Variants in SPI1 observed in about 807,000 individuals in gnomAD.
SPI1 encodes the protein Spi-1 proto-oncogene.
In SPI1, 3 loss-of-function variants were observed where a neutral mutation model predicts 30.7. The ratio of observed to expected loss-of-function variants is 0.10; its 90% CI spans 0.04 to 0.25. SPI1 has a LOEUF of 0.25. Among genes scored for constraint, SPI1 ranks in the 10% least tolerant of loss-of-function variants. The probability of loss-of-function intolerance (pLI) is 1.00; values close to 1 mark genes in which losing one functional copy is unlikely to be tolerated. For missense variants in SPI1, 261 were observed against 371.5 expected, an observed-to-expected ratio of 0.70 and a Z score of 2.45; for synonymous variants, 169 against 157.1, an observed-to-expected ratio of 1.08 and a Z score of -0.56.
chr11:47,366,860 C>T (rs1013858727), intron 2 of SPI1, among the ~76,000 whole-genome samples: 3 of 127,252 alleles, frequency 2.4e-5, no homozygotes, highest in African/African-American at 9.5e-5. Flanking sequence ...AAGAAACAGG[C>T]TCAGAGAACA....
chr11:47,358,717 G>C, intron 4 of SPI1, 127 bp downstream of exon 4: 1 of 951,266 alleles, frequency 1.1e-6, no homozygotes, highest in Non-Finnish European at 1.6e-6. Flanking sequence ...ACACACACTG[G>C]CAAACATGCA....
rs2095905956 is a variant in SPI1 at position 47,355,085 on chromosome 11, G to C, written c.*142C>G. The C allele has an allele frequency of 2.1e-6, 1 of 482,124 alleles. No homozygotes were observed. The highest frequency in any genetic ancestry group is 2.1e-5 in the African/African-American group (1 of 48,298). 29.9% of individuals were successfully genotyped at this position (482,124 alleles called of 1,614,324 possible). A position where few individuals can be genotyped will look rare whatever the true frequency, so the allele number is the denominator to read the frequency against. ...ATGTGGAGGGGGCCTGGAGTGGGGG[G>C]AGGGGGCGGGTGAGGCGAGGCCCGG... is the stretch of plus-strand genomic sequence containing the variant. On this transcript the variant is annotated 3_prime_UTR_variant, in exon 5 of 5. Coordinates refer to ENST00000378538, the MANE Select transcript of SPI1 (RefSeq NM_003120.3).
intron 4 of SPI1, among the ~76,000 whole-genome samples, chr11:47,357,573 T>TC (rs2095913409): frequency 7.3e-6 from 1 of 136,386 alleles, no homozygotes; most frequent in Admixed American, 7.8e-5. Context: ...TCACACCCAT[T>TC]CTCTTGTTTT....
intron 2 of SPI1, among the ~76,000 whole-genome samples, chr11:47,372,958 G>A (rs930338992): frequency 2.6e-5 from 4 of 152,218 alleles, no homozygotes; most frequent in African/African-American, 9.6e-5. Flanking sequence ...CTAAGCTTCA[G>A]TACCTAAAAA....
chr11:47,371,099 G>A (rs949461381), intron 2 of SPI1, among the ~76,000 whole-genome samples: 4 of 151,878 alleles, frequency 2.6e-5, no homozygotes, highest in East Asian at 1.9e-4. Flanking sequence ...GGTGGCTCAC[G>A]CCTGTAATCC....
At chr11:47,376,707 G>T (rs372074492) in intron 1 of SPI1, among the ~76,000 whole-genome samples, 1 of 151,732 alleles carries the variant, frequency 6.6e-6, no homozygotes, top group African/African-American at 2.4e-5. Flanking sequence ...ACACAGGGCC[G>T]TGCACACCCA....
At chr11:47,362,264 A>G (rs771274516) in intron 2 of SPI1, among the ~76,000 whole-genome samples, 2 of 152,136 alleles carry the variant, frequency 1.3e-5, no homozygotes, top group African/African-American at 2.4e-5. Flanking sequence ...AATAATAATA[A>G]TAGTTTATTC....
At chr11:47,356,670 C>T (rs926075994) in intron 4 of SPI1, among the ~76,000 whole-genome samples, 4 of 151,724 alleles carry the variant, frequency 2.6e-5, no homozygotes, top group Admixed American at 6.6e-5. Context: ...ACTGCTCACC[C>T]TCACACCTTA....
chr11:47,377,511 G>T (rs1203467310), intron 1 of SPI1, among the ~76,000 whole-genome samples: 1 of 152,022 alleles, frequency 6.6e-6, no homozygotes, highest in Non-Finnish European at 1.5e-5. Flanking sequence ...TCTTCTCGGG[G>T]TCCCCTGGGG....
chr11:47,355,864 A>ATT (rs1565634657), intron 4 of SPI1, among the ~76,000 whole-genome samples: 1 of 149,498 alleles, frequency 6.7e-6, no homozygotes, highest in African/African-American at 2.5e-5. Context: ...ACCTCCTTAC[A>ATT]CATGCTCACA....
rs1426074834 is a variant in SPI1 at position 47,359,664 on chromosome 11, G to C, written c.330+189C>G. Among the ~76,000 whole-genome samples, 1 of 151,962 alleles carries C rather than the reference G, an allele frequency of 6.6e-6. No homozygotes were observed. The highest frequency in any genetic ancestry group is 1.5e-5 in the Non-Finnish European group (1 of 67,962). ...TCTGTCCATACTCGGGGTGAGATGAGATAAGGGGTGTGGGGTCATGAGGTC... is the reference window on the plus strand; with the variant it reads ...TCTGTCCATACTCGGGGTGAGATGACATAAGGGGTGTGGGGTCATGAGGTC... On this transcript the variant is annotated intron_variant, in intron 3 of 4. Transcript: ENST00000378538. The surrounding 1 kb of genome is among the most constrained non-coding windows in gnomAD (Gnocchi z 5.1).
At chr11:47,360,111 T>C (rs113583625) in intron 2 of SPI1, 71 bp from the exon 3 acceptor site, 18 of 1,315,846 alleles carry the variant, frequency 1.4e-5, no homozygotes, top group African/African-American at 1.2e-4. Context: ...TATAGTAACA[T>C]TAAATAATAC....
chr11:47,366,651 C>G (rs1352516064), intron 2 of SPI1, among the ~76,000 whole-genome samples: 1 of 152,044 alleles, frequency 6.6e-6, no homozygotes, highest in Non-Finnish European at 1.5e-5. Context: ...AACCCTGTCT[C>G]TACTAAAAAT....
rs1027669855 is a variant in SPI1 at position 47,357,368 on chromosome 11, C to T, written c.493+1476G>A. Among the ~76,000 whole-genome samples the T allele has an allele frequency of 2.6e-5, 4 of 152,158 alleles. No individual in the cohort carries two copies. In the South Asian group the frequency reaches 8.3e-4, roughly 32 times the overall value. On this transcript the variant is annotated intron_variant, in intron 4 of 4. Coordinates refer to ENST00000378538, the MANE Select transcript of SPI1 (RefSeq NM_003120.3). ...TCATATTTCACACCACTTACACTTG[C>T]ACCTCACACCTGCTCACGCATGCAC...
chr11:47,369,548 A>AAGAG (rs561197016), intron 2 of SPI1, among the ~76,000 whole-genome samples: 7 of 84,472 alleles, frequency 8.3e-5, no homozygotes, highest in South Asian at 9.6e-4. Flanking sequence ...AAGAAAACAA[A>AAGAG]AGAGAGAGAG....
At chr11:47,376,939 G>A (rs940698435) in intron 1 of SPI1, among the ~76,000 whole-genome samples, 3 of 152,196 alleles carry the variant, frequency 2.0e-5, no homozygotes, top group African/African-American at 7.2e-5. Context: ...GCTCCACCTG[G>A]AGTTCAGAAT....
At chr11:47,371,431 C>T (rs2095935778) in intron 2 of SPI1, among the ~76,000 whole-genome samples, 1 of 2,844 alleles carries the variant, frequency 3.5e-4, no homozygotes, top group South Asian at 0.011. Context: ...CTTTGGGAAG[C>T]CAAGGTAGGA....
intron 4 of SPI1, among the ~76,000 whole-genome samples, chr11:47,356,377 C>A (rs1472830905): frequency 1.3e-5 from 2 of 150,270 alleles, no homozygotes; most frequent in Non-Finnish European, 3.0e-5. Flanking sequence ...CATGCTCACA[C>A]CTCATTCACA....
At chr11:47,367,620 TA>T (rs1210133202) in intron 2 of SPI1, among the ~76,000 whole-genome samples, 108 of 144,550 alleles carry the variant, frequency 7.5e-4, no homozygotes, top group African/African-American at 1.7e-3. Context: ...AGCTTCTAGT[TA>T]AAAAAAAAAG....
Sources: allele counts gnomAD v4.1 joint callset (sites outside exome capture counted in the v4.1 genomes callset), GRCh38; gene constraint gnomAD v4.1.1; non-coding constraint Gnocchi (gnomAD v3.1); transcripts MANE v1.5; gene names NCBI Gene and HGNC (gene_info 2026-07-23, HGNC 2026-07-21).